The following MALRD1 variants were observed in gnomAD, a reference collection of about 807,000 sequenced individuals.
MALRD1 encodes MAM and LDL receptor class A domain containing 1.
In MALRD1, 247 loss-of-function variants were observed where a neutral mutation model predicts 242.1. That is an observed-to-expected ratio of 1.02 (90% CI 0.92 to 1.13). The LOEUF (loss-of-function observed/expected upper bound fraction) is 1.13. Among genes scored for constraint, MALRD1 ranks in the 50% most tolerant of loss-of-function variants. The pLI is 0.00. For synonymous variants in MALRD1, 995 were observed against 866.6 expected (o/e 1.15, Z -2.60); for missense variants, 2,989 against 2,533.1 (o/e 1.18, Z -3.86).
At position 19,122,129 on chromosome 10, in the gene MALRD1, G is replaced by A. The variant is rs111609359; in HGVS notation, c.695-1363G>A. ...ATGGAGAAGTATGAGCATGGCCAGG[G>A]AGTGATTGCTTGTCTGACATCTCTA... is the stretch of plus-strand genomic sequence containing the variant. On this transcript the variant is annotated intron_variant, in intron 5 of 39. Coordinates refer to ENST00000454679, the MANE Select transcript of MALRD1 (RefSeq NM_001142308.3). Among the ~76,000 whole-genome samples, 1,003 of 152,302 alleles carry A rather than the reference G, an allele frequency of 6.6e-3. 10 individuals are homozygous for A. Among genetic ancestry groups the A allele is most frequent in the African/African-American group, 0.023 (968 of 41,568 alleles).
rs1834092086 is a variant in MALRD1, at chr10:19,155,105, C to G, written c.1589C>G (p.Ser530Cys). ...TTTATTTATTTGGAGGCACAGCGCTCCCCCGGGGTGGCCAAGCTTGGAAGT... is the reference window on the plus strand; with the variant it reads ...TTTATTTATTTGGAGGCACAGCGCTGCCCCGGGGTGGCCAAGCTTGGAAGT... ...GSFIYLEAQR[S>C]PGVAKLGSPV... Residue 530 changes from serine to cysteine, a missense_variant, in exon 12 of 40, where the codon TCC (serine) becomes TGC (cysteine). Coordinates refer to ENST00000454679, the MANE Select transcript of MALRD1 (RefSeq NM_001142308.3). 1.6e-6 allele frequency: 2 copies of G among 1,231,312 alleles called. No homozygotes were observed. The highest frequency in any genetic ancestry group is 4.2e-5 in the Admixed American group (1 of 23,674). 76.3% of individuals were successfully genotyped at this position (1,231,312 alleles called of 1,614,324 possible).
rs143337451 is a variant in MALRD1 at position 19,632,124 on chromosome 10, A to G, written c.6137+16201A>G. Reference sequence around the variant, plus strand: ...GAACAACACATTGAGGCTCCAGAAAACTAGCAGCAGTAGAAAGCCTAAATC... The same window carrying G: ...GAACAACACATTGAGGCTCCAGAAAGCTAGCAGCAGTAGAAAGCCTAAATC... On this transcript the variant is annotated intron_variant, in intron 36 of 39. Transcript: ENST00000454679. Among the ~76,000 whole-genome samples the G allele has an allele frequency of 2.0e-3, 311 of 152,288 alleles. 2 individuals are homozygous for G. The highest frequency in any genetic ancestry group is 6.1e-3 in the African/African-American group (255 of 41,564).
intron 38 of MALRD1, among the ~76,000 whole-genome samples, chr10:19,728,999 G>GA: frequency 6.6e-6 from 1 of 152,246 alleles, no homozygotes; most frequent in South Asian, 2.1e-4. Flanking sequence ...ACTCAATTCA[G>GA]ACTTTTTTCA....
At chr10:19,347,241 T>C (rs1230318245) in intron 24 of MALRD1, among the ~76,000 whole-genome samples, 1 of 152,212 alleles carries the variant, frequency 6.6e-6, no homozygotes, top group Non-Finnish European at 1.5e-5. Flanking sequence ...CAACTTAACC[T>C]ATTTAATTTC....
intron 10 of MALRD1, among the ~76,000 whole-genome samples, chr10:19,140,597 G>A (rs1833506084): frequency 1.4e-5 from 2 of 147,838 alleles, no homozygotes; most frequent in South Asian, 4.2e-4. Context: ...TGTTCACAAT[G>A]GAATATTATT....
chr10:19,684,116 T>G (rs1842480321), intron 36 of MALRD1, among the ~76,000 whole-genome samples: 1 of 152,190 alleles, frequency 6.6e-6, no homozygotes, highest in African/African-American at 2.4e-5. Flanking sequence ...GGACATGAAC[T>G]CATTCTTTTT....
chr10:19,224,287 T>TG (rs928138971), intron 18 of MALRD1, among the ~76,000 whole-genome samples: 1 of 99,578 alleles, frequency 1.0e-5, no homozygotes, highest in African/African-American at 4.4e-5. Context: ...TGATGAGCTT[T>TG]TTTTTTTTTT....
intron 18 of MALRD1, among the ~76,000 whole-genome samples, chr10:19,239,901 C>A (rs7077779): frequency 0.099 from 15,051 of 152,116 alleles, 1,131 homozygotes; most frequent in African/African-American, 0.21. Flanking sequence ...CTTACTATGG[C>A]TTTGTAGTAT....
intron 19 of MALRD1, among the ~76,000 whole-genome samples, chr10:19,278,988 A>G (rs945128977): frequency 6.6e-6 from 1 of 152,192 alleles, no homozygotes; most frequent in Non-Finnish European, 1.5e-5. Context: ...CTGGGAAGCA[A>G]CAGCCTGGGC....
intron 18 of MALRD1, among the ~76,000 whole-genome samples, chr10:19,210,281 A>C (rs1006427490): frequency 1.3e-5 from 2 of 152,144 alleles, no homozygotes; most frequent in Non-Finnish European, 2.9e-5. Context: ...TATCTATCTG[A>C]TTCTCTCAGC....
intron 26 of MALRD1, among the ~76,000 whole-genome samples, chr10:19,378,781 T>A (rs569738744): frequency 2.0e-5 from 3 of 152,276 alleles, no homozygotes; most frequent in Admixed American, 2.0e-4. Context: ...CATCTTGTCA[T>A]GTATTTTTCT....
chr10:19,478,725 T>TG (rs1836854108), intron 29 of MALRD1, among the ~76,000 whole-genome samples: 1 of 152,170 alleles, frequency 6.6e-6, no homozygotes, highest in Non-Finnish European at 1.5e-5. Context: ...TCACGTACCA[T>TG]GGGCCTCCTT....
rs1210420272 is a variant in MALRD1 at position 19,614,420 on chromosome 10, T to TA, written c.6071-1436dup. 2.0e-5 allele frequency among the ~76,000 whole-genome samples: 3 copies of TA among 152,012 alleles called. No homozygotes were observed. The East Asian group carries it at 5.8e-4, about 30-fold the overall frequency. On this transcript the variant is annotated intron_variant, in intron 35 of 39. Coordinates refer to ENST00000454679, the MANE Select transcript of MALRD1 (RefSeq NM_001142308.3). Reference sequence around the variant, plus strand: ...GACAGAGGAAATTTTAATCAAGTGTTAGAGTTAAAGTAACCCAACAAGGGA... The same window carrying TA: ...GACAGAGGAAATTTTAATCAAGTGTTAAGAGTTAAAGTAACCCAACAAGGGA...
chr10:19,085,928 A>G (rs1425615456), intron 2 of MALRD1, among the ~76,000 whole-genome samples: 1 of 152,054 alleles, frequency 6.6e-6, no homozygotes, highest in East Asian at 1.9e-4. Context: ...TATTGCTAAT[A>G]GTATTATTTA....
intron 34 of MALRD1, chr10:19,598,204 T>C (rs1838193684): frequency 6.6e-6 from 1 of 152,106 alleles, no homozygotes; most frequent in Admixed American, 6.6e-5. Context: ...ACTTAAGGGA[T>C]GGTCAGGTGA....
chr10:19,164,084 G>A (rs1834563925), intron 12 of MALRD1, among the ~76,000 whole-genome samples: 1 of 152,070 alleles, frequency 6.6e-6, no homozygotes, highest in South Asian at 2.1e-4. Context: ...CTCTTTCCAT[G>A]GAATTTAATT....
chr10:19,096,702 C>T (rs1188659700), intron 4 of MALRD1, among the ~76,000 whole-genome samples: 1 of 152,226 alleles, frequency 6.6e-6, no homozygotes, highest in Non-Finnish European at 1.5e-5. Flanking sequence ...CAGACAGCAT[C>T]TGCTGCCTCA....
chr10:19,264,620 A>G (rs1300261324), intron 19 of MALRD1, among the ~76,000 whole-genome samples: 2 of 151,626 alleles, frequency 1.3e-5, no homozygotes, highest in Non-Finnish European at 2.9e-5. Context: ...TGCCCAGCTA[A>G]TTTTTTGTAC....
chr10:19,610,150 A>G (rs1378879572), intron 35 of MALRD1, among the ~76,000 whole-genome samples: 2 of 151,924 alleles, frequency 1.3e-5, no homozygotes, highest in Admixed American at 1.3e-4. Context: ...TTCAGTGCAT[A>G]CAGTTTGTAT....
Sources: gnomAD v4.1 joint callset for allele counts (sites outside exome capture counted in the v4.1 genomes callset) on GRCh38, gnomAD v4.1.1 for gene constraint, MANE v1.5 for transcripts, NCBI Gene and HGNC (gene_info 2026-07-23, HGNC 2026-07-21) for gene names.